ATRNL1: variants seen among roughly 807,000 people sequenced by gnomAD.
ATRNL1 encodes the protein attractin like 1.
ATRNL1 carries 95 observed loss-of-function variants against 182.7 expected under a neutral mutation model. That is an observed-to-expected ratio of 0.52 (90% CI 0.44 to 0.62). The LOEUF is 0.62. ATRNL1 is among the 20% of genes least tolerant of loss of function. ATRNL1 has a pLI of 0.00. For synonymous variants in ATRNL1, 576 were observed against 568.3 expected (o/e 1.01, Z -0.19); for missense variants, 1,471 against 1,679.5 (o/e 0.88, Z 2.17).
chr10:115,340,991 A>C (rs1036092741), intron 19 of ATRNL1, among the ~76,000 whole-genome samples: 4 of 150,838 alleles, frequency 2.7e-5, no homozygotes, highest in Admixed American at 6.6e-5. Flanking sequence ...TTGTTTCATC[A>C]GTCTTTTTTT....
At chr10:115,827,300 AC>A (rs1378222859) in intron 27 of ATRNL1, among the ~76,000 whole-genome samples, 2 of 152,102 alleles carry the variant, frequency 1.3e-5, no homozygotes, top group African/African-American at 4.8e-5. Context: ...GTCAGGCCAC[AC>A]CCCCTGCAAA....
At position 115,943,000 on chromosome 10, in the gene ATRNL1, A is replaced by T. The variant is rs141358855; in HGVS notation, c.4019-1658A>T. On this transcript the variant is annotated intron_variant, in intron 28 of 28. Transcript: ENST00000355044. Reference sequence around the variant, plus strand: ...TGTCCATCATTGGACAAACAATGTAACAAAGCAGATCAACATAATTAAACA... The same window carrying T: ...TGTCCATCATTGGACAAACAATGTATCAAAGCAGATCAACATAATTAAACA... Among the ~76,000 whole-genome samples, 767 of 152,360 alleles carry T rather than the reference A, an allele frequency of 5.0e-3. 7 individuals carry two copies. Among genetic ancestry groups the T allele is most frequent in the African/African-American group, 0.016 (662 of 41,586 alleles).
chr10:115,607,123 C>T (rs781789512), intron 26 of ATRNL1, among the ~76,000 whole-genome samples: 28 of 151,810 alleles, frequency 1.8e-4, no homozygotes, highest in Non-Finnish European at 3.4e-4. Context: ...TTCATCTTAG[C>T]CTGTTCCTTC....
intron 28 of ATRNL1, among the ~76,000 whole-genome samples, chr10:115,915,006 G>A (rs1446254042): frequency 1.3e-5 from 2 of 151,962 alleles, no homozygotes; most frequent in Admixed American, 1.3e-4. Context: ...TTTTCTCTTT[G>A]GACAAAAAAC....
At chr10:115,164,447 T>C (rs1554883938) in intron 6 of ATRNL1, among the ~76,000 whole-genome samples, 1 of 152,080 alleles carries the variant, frequency 6.6e-6, no homozygotes, top group African/African-American at 2.4e-5. Context: ...GAAAATAGAA[T>C]TACTATATGA....
intron 9 of ATRNL1, among the ~76,000 whole-genome samples, chr10:115,223,913 G>GTGTGTGTGTATATATATATA (rs71476115): frequency 3.6e-5 from 2 of 55,942 alleles, no homozygotes; most frequent in African/African-American, 8.4e-5. Context: ...GTGTGTGTGT[G>GTGTGTGTGTATATATATATA]TATATATATA....
chr10:115,224,185 T>C (rs553469133), intron 9 of ATRNL1, among the ~76,000 whole-genome samples: 1 of 151,748 alleles, frequency 6.6e-6, no homozygotes, highest in Non-Finnish European at 1.5e-5. Context: ...TCTGCCCACC[T>C]TGGCCTCCCA....
intron 19 of ATRNL1, among the ~76,000 whole-genome samples, chr10:115,367,057 C>A (rs1220691231): frequency 8.1e-6 from 1 of 123,458 alleles, no homozygotes; most frequent in African/African-American, 3.4e-5. Flanking sequence ...TGAATCTGAT[C>A]GTTGGCCTGC....
chr10:115,861,282 C>T (rs1440263506), intron 28 of ATRNL1, among the ~76,000 whole-genome samples: 5 of 152,118 alleles, frequency 3.3e-5, no homozygotes, highest in African/African-American at 4.8e-5. Flanking sequence ...ACGCTGTCTC[C>T]GTCCCACCCA....
rs139207616 is a variant in ATRNL1 at position 115,651,947 on chromosome 10, A to G, written c.3796-75301A>G. Among the ~76,000 whole-genome samples, 1,098 of 152,248 alleles carry G rather than the reference A, an allele frequency of 7.2e-3. 12 individuals carry two copies. Among genetic ancestry groups the G allele is most frequent in the African/African-American group, 0.025 (1,045 of 41,560 alleles). On this transcript the variant is annotated intron_variant, in intron 26 of 28. Transcript: ENST00000355044. ...ATATGTTAGAATGAACTGTTTAGTTAACTATTATAATAATGAAAACAACTG... is the reference window on the plus strand; with the variant it reads ...ATATGTTAGAATGAACTGTTTAGTTGACTATTATAATAATGAAAACAACTG...
intron 13 of ATRNL1, among the ~76,000 whole-genome samples, chr10:115,275,039 C>A (rs1162248726): frequency 1.3e-5 from 2 of 152,192 alleles, no homozygotes; most frequent in Admixed American, 6.5e-5. Context: ...CTAATCTTTG[C>A]AATCCCTCCA....
At chr10:115,365,328 C>T (rs1856975167) in intron 19 of ATRNL1, among the ~76,000 whole-genome samples, 3 of 151,210 alleles carry the variant, frequency 2.0e-5, no homozygotes, top group Admixed American at 2.0e-4. Flanking sequence ...GTAGTATTCT[C>T]TGATGGTAGT....
At chr10:115,943,787 T>C (rs1953798992) in intron 28 of ATRNL1, among the ~76,000 whole-genome samples, 2 of 152,180 alleles carry the variant, frequency 1.3e-5, no homozygotes, top group Admixed American at 1.3e-4. Context: ...CAAGATGTCC[T>C]TCAGTAGTGA....
intron 18 of ATRNL1, among the ~76,000 whole-genome samples, chr10:115,316,922 C>T (rs782085978): frequency 2.4e-4 from 36 of 152,014 alleles, no homozygotes; most frequent in Non-Finnish European, 4.0e-4. Context: ...AGTTTAATTA[C>T]ATCTTATTTG....
chr10:115,759,394 T>G (rs1948674892), intron 27 of ATRNL1, among the ~76,000 whole-genome samples: 1 of 152,050 alleles, frequency 6.6e-6, no homozygotes, highest in Non-Finnish European at 1.5e-5. Context: ...TTTAGCACCC[T>G]CTCTAGCCAC....
At chr10:115,095,421 C>T (rs552596481) in intron 1 of ATRNL1, among the ~76,000 whole-genome samples, 1 of 148,338 alleles carries the variant, frequency 6.7e-6, no homozygotes, top group Non-Finnish European at 1.5e-5. Flanking sequence ...TCCCTTAAAA[C>T]TCAATGTAAA....
chr10:115,761,613 A>G (rs950851969), intron 27 of ATRNL1, among the ~76,000 whole-genome samples: 1 of 152,232 alleles, frequency 6.6e-6, no homozygotes, highest in Non-Finnish European at 1.5e-5. Context: ...AAAAGGAAGG[A>G]CAAAATAACA....
At chr10:115,835,701 C>T (rs1251184415) in intron 27 of ATRNL1, among the ~76,000 whole-genome samples, 1 of 152,166 alleles carries the variant, frequency 6.6e-6, no homozygotes, top group Admixed American at 6.5e-5. Flanking sequence ...GGATGTGCTG[C>T]CTGCATTCCC....
At chr10:115,554,120 A>G (rs1853171863) in intron 26 of ATRNL1, among the ~76,000 whole-genome samples, 1 of 151,630 alleles carries the variant, frequency 6.6e-6, no homozygotes, top group African/African-American at 2.4e-5. Flanking sequence ...TTTAACATAT[A>G]GATAAAGCTT....
Sources: gnomAD v4.1 joint callset for allele counts (sites outside exome capture counted in the v4.1 genomes callset) on GRCh38, gnomAD v4.1.1 for gene constraint, MANE v1.5 for transcripts, NCBI Gene and HGNC (gene_info 2026-07-23, HGNC 2026-07-21) for gene names.